The following YLPM1 variants were observed in gnomAD, a reference collection of about 807,000 sequenced individuals.
YLPM1 encodes YLP motif containing 1.
In YLPM1, 99 loss-of-function variants were observed where a neutral mutation model predicts 230.0. That is an observed-to-expected ratio of 0.43 (90% confidence interval 0.37 to 0.51). The LOEUF (loss-of-function observed/expected upper bound fraction) is 0.51, where lower values mean the gene tolerates loss of function less well. Ranked by LOEUF, YLPM1 falls within the 20% of genes least tolerant of loss-of-function variation. YLPM1 has a pLI of 0.00. For synonymous variants in YLPM1, 984 were observed against 942.5 expected (o/e 1.04, Z -0.81); for missense variants, 2,592 against 2,707.7 (o/e 0.96, Z 0.95).
intron 4 of YLPM1, among the ~76,000 whole-genome samples, chr14:74,786,361 C>CA (rs57016882): frequency 0.16 from 12,716 of 80,126 alleles, 1,055 homozygotes; most frequent in South Asian, 0.31. Context: ...GACTCCGTCT[C>CA]AAAAAAAAAA....
chr14:74,769,259 C>CTTTTTT lies in YLPM1; in HGVS notation c.873+4921_873+4926dup, dbSNP rs34023289. On this transcript the variant is annotated intron_variant, in intron 1 of 20. Coordinates refer to ENST00000325680, the MANE Select transcript of YLPM1 (RefSeq NM_019589.3). ...CCGGCTAATTTTTTTGTATTTTTATCTTTTTTTTTTTTTTTTTTTTTTTTT... is the reference window on the plus strand; with the variant it reads ...CCGGCTAATTTTTTTGTATTTTTATCTTTTTTTTTTTTTTTTTTTTTTTTTTTTTTT... Among the ~76,000 whole-genome samples the CTTTTTT allele has an allele frequency of 9.1e-4, 35 of 38,408 alleles. 2 individuals carry two copies. The highest frequency in any genetic ancestry group is 1.6e-3 in the Non-Finnish European group (30 of 18,748). The allele number at this position is 38,408 out of a possible 152,430, so 25.2% of individuals were successfully genotyped here.
At chr14:74,812,505 A>T in intron 10 of YLPM1, 123 bp from the exon 11 acceptor site, 1 of 989,366 alleles carries the variant, frequency 1.0e-6, no homozygotes, top group Non-Finnish European at 1.4e-6. Flanking sequence ...AATTAAAGTT[A>T]AAAGTGGCCC....
chr14:74,819,029 T>C (rs953826501), intron 16 of YLPM1, among the ~76,000 whole-genome samples: 1 of 152,194 alleles, frequency 6.6e-6, no homozygotes, highest in African/African-American at 2.4e-5. Context: ...TATCTCATTA[T>C]TGGTGATTTA....
intron 4 of YLPM1, among the ~76,000 whole-genome samples, chr14:74,785,779 G>C (rs917405164): frequency 6.6e-6 from 1 of 152,144 alleles, no homozygotes; most frequent in African/African-American, 2.4e-5. Context: ...GCAAAATCCA[G>C]ATTTAAGCTG....
intron 9 of YLPM1, among the ~76,000 whole-genome samples, chr14:74,810,713 C>G (rs1278226735): frequency 7.5e-6 from 1 of 133,880 alleles, no homozygotes; most frequent in African/African-American, 3.5e-5. Context: ...AATTCATGAG[C>G]TTTTTATTTA....
At chr14:74,814,459 T>G (rs1277889810) in intron 11 of YLPM1, among the ~76,000 whole-genome samples, 1 of 152,244 alleles carries the variant, frequency 6.6e-6, no homozygotes, top group East Asian at 1.9e-4. Context: ...TTGAATGTTT[T>G]TATCATGAGA....
intron 1 of YLPM1, among the ~76,000 whole-genome samples, chr14:74,776,532 G>A (rs2091040821): frequency 6.6e-6 from 1 of 152,154 alleles, no homozygotes; most frequent in African/African-American, 2.4e-5. Flanking sequence ...ATGCCTGGGG[G>A]CCATTTTAAA....
intron 19 of YLPM1, among the ~76,000 whole-genome samples, chr14:74,830,186 A>C (rs1179087296): frequency 1.3e-5 from 2 of 152,224 alleles, no homozygotes; most frequent in Non-Finnish European, 2.9e-5. Flanking sequence ...GTTTGTCATC[A>C]GTCTACAGTG....
At chr14:74,827,965 G>C in intron 18 of YLPM1, 2 of 983,184 alleles carry the variant, frequency 2.0e-6, no homozygotes, top group African/African-American at 1.7e-5. Context: ...TAAAATTTTT[G>C]TGAGTTTTAT....
chr14:74,800,179 C>G (rs754281107), intron 5 of YLPM1, among the ~76,000 whole-genome samples: 4 of 152,198 alleles, frequency 2.6e-5, no homozygotes, highest in African/African-American at 4.8e-5. Flanking sequence ...TTTGTCTTAA[C>G]TATTGATACT....
rs1044875320 is a variant in YLPM1 at position 74,806,633 on chromosome 14, A to G, written c.4522-2747A>G. Among the ~76,000 whole-genome samples, 15 of 152,146 alleles carry G rather than the reference A, an allele frequency of 9.9e-5. 1 individual carries two copies. The South Asian group carries it at 3.1e-3, about 32-fold the overall frequency. ...GAAAAAAAATAATTGTATAACATCT[A>G]TACTATAGCCTCGTAAGCATTAGCT... On this transcript the variant is annotated intron_variant, in intron 6 of 20. Transcript: ENST00000325680.
At position 74,824,315 on chromosome 14, in the gene YLPM1, T is replaced by TTTCC. The variant is rs2140141043; in HGVS notation, c.6163+11_6163+14dup. 6.2e-7 allele frequency: 1 copy of TTTCC among 1,611,548 alleles called. No individual in the cohort carries two copies. Among genetic ancestry groups the TTTCC allele is most frequent in the Non-Finnish European group, 8.5e-7 (1 of 1,178,390 alleles). ...CATCTGAGGCAAAGCTAGGTGGGTA[T>TTTCC]TTCCTTTTTCCTGTTTTTATATGTG... On this transcript the variant is annotated intron_variant, in intron 18 of 20. Transcript: ENST00000325680.
rs2091098618 is a variant in YLPM1 at position 74,781,927 on chromosome 14, ACCT to A, written c.1890_1892del (p.Pro631del). 2.5e-6 allele frequency: 4 copies of A among 1,613,106 alleles called. No homozygotes were observed. The highest frequency in any genetic ancestry group is 1.3e-5 in the African/African-American group (1 of 74,618). On this transcript the variant is annotated inframe_deletion, in exon 4 of 21. Transcript: ENST00000325680. ...CCCTCCCACCATTGTCTTCAGCTAC[ACCT>A]CCTCCAGGAATACCTCCCCCTGGAG...
Position 74,818,228 on chromosome 14 carries a change from T to C in YLPM1, c.5947-3T>C. 2 of 1,596,492 alleles carry C rather than the reference T, an allele frequency of 1.3e-6. No homozygotes were observed. Among genetic ancestry groups the C allele is most frequent in the Non-Finnish European group, 1.7e-6 (2 of 1,171,506 alleles). ...TAACTCAACCATCTGAATTTTTCAA[T>C]AGATGGCTGATCACTGGGAAACTGC... On this transcript the variant is annotated splice_region_variant and splice_polypyrimidine_tract_variant and intron_variant, in intron 15 of 20. Transcript: ENST00000325680.
chr14:74,764,112 C>T lies in YLPM1; in HGVS notation c.623C>T (p.Ser208Leu). 5 of 1,613,572 alleles carry T rather than the reference C, an allele frequency of 3.1e-6. No individual in the cohort carries two copies. Among genetic ancestry groups the T allele is most frequent in the Non-Finnish European group, 4.2e-6 (5 of 1,179,792 alleles). ...TACCTGGCGCCCACCCCTTCTTACT[C>T]ATCCTCCTCCTCTTCCTCGCAATCC... is the stretch of plus-strand genomic sequence containing the variant. ...QSYLAPTPSY[S>L]SSSSSSQSYL... Residue 208 changes from serine (S) to leucine (L), a missense_variant, in exon 1 of 21, where the codon TCA (serine) becomes TTA (leucine). This residue lies in a region of YLPM1 where 1,862 missense variants were observed against 1,819.8 expected (regional missense o/e 1.02). Coordinates refer to ENST00000325680, the MANE Select transcript of YLPM1 (RefSeq NM_019589.3).
chr14:74,779,641 CTTTT>C (rs10715703), intron 2 of YLPM1, among the ~76,000 whole-genome samples: 1 of 140,382 alleles, frequency 7.1e-6, no homozygotes. Flanking sequence ...TTAAGGTTCA[CTTTT>C]TTTTTTTTTT....
chr14:74,823,083 A>G (rs1215919586), intron 17 of YLPM1, among the ~76,000 whole-genome samples: 1 of 152,114 alleles, frequency 6.6e-6, no homozygotes, highest in African/African-American at 2.4e-5. Flanking sequence ...AATACTACCT[A>G]GTAAGTTGAA....
At chr14:74,819,397 C>A (rs1345029152) in intron 16 of YLPM1, among the ~76,000 whole-genome samples, 1 of 151,586 alleles carries the variant, frequency 6.6e-6, no homozygotes, top group Non-Finnish European at 1.5e-5. Context: ...GCCTCAGCCT[C>A]CTTATTAGCT....
chr14:74,809,403 C>T lies in YLPM1; in HGVS notation c.4545C>T (p.Pro1515=), dbSNP rs112597398. Residue 1515 remains proline (P), a synonymous_variant, in exon 7 of 21, where the codon CCC becomes CCT. Coordinates refer to ENST00000325680, the MANE Select transcript of YLPM1 (RefSeq NM_019589.3). ...AGCCTCCAGGGTCGTATAGACCTCC[C>T]CCTCCTATGGGCAAACCACCAGGTT... The part of the protein sequence containing the change: ...MYPPPGSYRP[P]PPMGKPPGSI... 6.2e-7 allele frequency: 1 copy of T among 1,609,148 alleles called. No individual in the cohort carries two copies. Among genetic ancestry groups the T allele is most frequent in the South Asian group, 1.1e-5 (1 of 90,010 alleles).
Sources: gnomAD v4.1 joint callset for allele counts (sites outside exome capture counted in the v4.1 genomes callset) on GRCh38, gnomAD v4.1.1 for gene constraint, gnomAD v4.1.1 regional missense constraint, MANE v1.5 for transcripts, NCBI Gene and HGNC (gene_info 2026-07-23, HGNC 2026-07-21) for gene names.